The following CNTNAP5 variants were observed in gnomAD, a reference collection of about 807,000 sequenced individuals.
CNTNAP5 encodes contactin associated protein family member 5.
CNTNAP5 carries 72 observed loss-of-function variants against 150.2 expected under a neutral mutation model. The observed-to-expected ratio is 0.48, with a 90% CI of 0.40 to 0.58. The LOEUF (loss-of-function observed/expected upper bound fraction) is 0.58, where lower values mean the gene tolerates loss of function less well. Ranked by LOEUF, CNTNAP5 falls within the 20% of genes least tolerant of loss-of-function variation. The pLI is 0.00. For missense variants in CNTNAP5, 1,636 were observed against 1,626.2 expected, an observed-to-expected ratio of 1.01 and a Z score of -0.10; for synonymous variants, 672 against 619.8, an observed-to-expected ratio of 1.08 and a Z score of -1.25.
At chr2:124,205,989 G>A (rs182172355) in intron 1 of CNTNAP5, among the ~76,000 whole-genome samples, 7 of 152,270 alleles carry the variant, frequency 4.6e-5, no homozygotes, top group South Asian at 2.1e-4. Flanking sequence ...TTAAAGTTTC[G>A]TTTGAGTATA....
chr2:124,048,992 T>C (rs1681618451), intron 1 of CNTNAP5, among the ~76,000 whole-genome samples: 1 of 152,226 alleles, frequency 6.6e-6, no homozygotes, highest in African/African-American at 2.4e-5. Context: ...GCTTTTGATA[T>C]ATCAATGTGC....
chr2:124,068,384 G>C (rs1682216493), intron 1 of CNTNAP5, among the ~76,000 whole-genome samples: 1 of 152,136 alleles, frequency 6.6e-6, no homozygotes, highest in East Asian at 1.9e-4. Context: ...CACTCATCCA[G>C]GGCCCACAGA....
chr2:124,609,998 G>A, intron 12 of CNTNAP5, 78 bp downstream of exon 12: 1 of 1,474,324 alleles, frequency 6.8e-7, no homozygotes. Context: ...ACTGGAGGGG[G>A]ATACCTACGT....
intron 13 of CNTNAP5, among the ~76,000 whole-genome samples, chr2:124,743,467 C>G (rs1680541246): frequency 6.6e-6 from 1 of 152,158 alleles, no homozygotes; most frequent in Admixed American, 6.5e-5. Context: ...AAGATAGCCC[C>G]AGGAAGCAGG....
intron 21 of CNTNAP5, 48 bp from the exon 22 acceptor site, chr2:124,902,834 G>GA: frequency 7.0e-7 from 1 of 1,428,706 alleles, no homozygotes; most frequent in Non-Finnish European, 9.5e-7. Context: ...ATATAATTTG[G>GA]AAAAAACAAA....
intron 13 of CNTNAP5, among the ~76,000 whole-genome samples, chr2:124,710,193 T>A (rs1679777481): frequency 6.6e-6 from 1 of 152,160 alleles, no homozygotes; most frequent in Non-Finnish European, 1.5e-5. Context: ...TGGGACCCAG[T>A]GTTGCCAAGA....
intron 21 of CNTNAP5, among the ~76,000 whole-genome samples, chr2:124,892,721 T>C (rs1312101934): frequency 6.6e-6 from 1 of 152,084 alleles, no homozygotes; most frequent in East Asian, 1.9e-4. Context: ...TATCCAATGT[T>C]TTGTTCTCAG....
chr2:124,877,680 A>G (rs779232889), intron 21 of CNTNAP5, among the ~76,000 whole-genome samples: 8 of 152,142 alleles, frequency 5.3e-5, no homozygotes, highest in Non-Finnish European at 1.0e-4. Context: ...AAGGAAAGTT[A>G]TTTGGGTGGG....
chr2:124,292,696 G>C (rs1049173811), intron 3 of CNTNAP5, among the ~76,000 whole-genome samples: 1 of 151,846 alleles, frequency 6.6e-6, no homozygotes, highest in East Asian at 1.9e-4. Context: ...AAAACACTTC[G>C]CATATAAAAT....
chr2:124,491,566 T>C (rs1257556881), intron 7 of CNTNAP5, among the ~76,000 whole-genome samples: 1 of 152,138 alleles, frequency 6.6e-6, no homozygotes, highest in African/African-American at 2.4e-5. Flanking sequence ...AGAGTGCGCA[T>C]ATCTCTTTGA....
At chr2:124,058,589 A>G (rs1449184687) in intron 1 of CNTNAP5, among the ~76,000 whole-genome samples, 2 of 152,190 alleles carry the variant, frequency 1.3e-5, no homozygotes, top group Admixed American at 6.5e-5. Flanking sequence ...AGTCTAGTAT[A>G]CCATTGTATA....
At chr2:124,536,639 A>G (rs1228277498) in intron 10 of CNTNAP5, among the ~76,000 whole-genome samples, 1 of 152,150 alleles carries the variant, frequency 6.6e-6, no homozygotes, top group East Asian at 1.9e-4. Context: ...GTATATATAA[A>G]TAAGGAAAGC....
intron 19 of CNTNAP5, among the ~76,000 whole-genome samples, chr2:124,849,121 A>C (rs1018376782): frequency 6.6e-6 from 1 of 152,110 alleles, no homozygotes; most frequent in African/African-American, 2.4e-5. Flanking sequence ...TTATGGTTTC[A>C]GATCTTATAT....
chr2:124,544,917 C>T (rs17011647), intron 10 of CNTNAP5, among the ~76,000 whole-genome samples: 30,811 of 152,052 alleles, frequency 0.2, 3,746 homozygotes, highest in Middle Eastern at 0.35. Flanking sequence ...GCCCCTTCTC[C>T]CAAAGACAAT....
chr2:124,110,492 C>A (rs1257751880), intron 1 of CNTNAP5, among the ~76,000 whole-genome samples: 1 of 152,152 alleles, frequency 6.6e-6, no homozygotes, highest in Non-Finnish European at 1.5e-5. Context: ...AATAAACAAT[C>A]AAAATTAATA....
chr2:124,570,339 G>A (rs1181504230), intron 11 of CNTNAP5, among the ~76,000 whole-genome samples: 1 of 152,154 alleles, frequency 6.6e-6, no homozygotes, highest in Non-Finnish European at 1.5e-5. Flanking sequence ...CACCGACAAC[G>A]GCCTTGCAGG....
intron 17 of CNTNAP5, among the ~76,000 whole-genome samples, chr2:124,777,292 C>G (rs1681345790): frequency 6.6e-6 from 1 of 152,152 alleles, no homozygotes; most frequent in African/African-American, 2.4e-5. Flanking sequence ...ATCATCCTTT[C>G]AGCAAAATTT....
chr2:124,441,382 G>GAA (rs141098975), intron 5 of CNTNAP5, among the ~76,000 whole-genome samples: 7 of 147,562 alleles, frequency 4.7e-5, no homozygotes, highest in African/African-American at 1.5e-4. Flanking sequence ...ACACAGAAAA[G>GAA]AAAAAAAAAA....
intron 19 of CNTNAP5, among the ~76,000 whole-genome samples, chr2:124,808,058 T>C (rs1310015349): frequency 6.6e-6 from 1 of 152,156 alleles, no homozygotes; most frequent in African/African-American, 2.4e-5. Context: ...AGTTTCAGGA[T>C]GCAGCAAGAG....
Sources: gnomAD v4.1 joint callset for allele counts (sites outside exome capture counted in the v4.1 genomes callset) on GRCh38, gnomAD v4.1.1 for gene constraint, MANE v1.5 for transcripts, NCBI Gene and HGNC (gene_info 2026-07-23, HGNC 2026-07-21) for gene names.